STK32C: variants seen among roughly 807,000 people sequenced by gnomAD.
The protein encoded by STK32C is serine/threonine kinase 32C.
A neutral mutation model predicts 56.5 loss-of-function variants in STK32C; 31 were observed. The observed-to-expected ratio is 0.55, with a 90% confidence interval of 0.41 to 0.74. The LOEUF is 0.74. STK32C is among the 30% of genes least tolerant of loss of function. The pLI is 0.00. For missense variants in STK32C, 544 were observed against 676.9 expected (o/e 0.80, Z 2.18); for synonymous variants, 309 against 289.4 (o/e 1.07, Z -0.69).
chr10:132,295,088 G>T (rs114515973), intron 1 of STK32C, among the ~76,000 whole-genome samples: 1 of 152,140 alleles, frequency 6.6e-6, no homozygotes, highest in Non-Finnish European at 1.5e-5. Context: ...CACGCCCACC[G>T]GCAGTGCACA....
rs993512241 is a variant in STK32C, at chr10:132,299,314, C to G, written c.262+8258G>C. On this transcript the variant is annotated intron_variant, in intron 1 of 11. Coordinates refer to ENST00000298630, the MANE Select transcript of STK32C (RefSeq NM_173575.4). ...CCCAGCAGCATGGATAGCTGATCCACCAGCCAACAGCAAACTGAGACCCCA... is the reference window on the plus strand; with the variant it reads ...CCCAGCAGCATGGATAGCTGATCCAGCAGCCAACAGCAAACTGAGACCCCA... Among the ~76,000 whole-genome samples, 11 of 149,654 alleles carry G rather than the reference C, an allele frequency of 7.4e-5. No individual in the cohort carries two copies. In the East Asian group the frequency reaches 2.0e-3, roughly 27 times the overall value.
intron 1 of STK32C, among the ~76,000 whole-genome samples, chr10:132,313,192 C>T (rs1371224870): frequency 2.0e-5 from 3 of 152,162 alleles, no homozygotes; most frequent in East Asian, 1.9e-4. Flanking sequence ...ATAAGACAAA[C>T]GGAATGGCTC....
chr10:132,223,177 A>G (rs2062745542), intron 8 of STK32C, among the ~76,000 whole-genome samples, 191 bp from the exon 9 acceptor site: 1 of 152,238 alleles, frequency 6.6e-6, no homozygotes, highest in South Asian at 2.1e-4. Flanking sequence ...TGGCTGGCTC[A>G]GCATGTGGCC....
upstream of STK32C, among the ~76,000 whole-genome samples, chr10:132,308,673 G>C (rs998443117): frequency 6.6e-6 from 1 of 152,094 alleles, no homozygotes; most frequent in African/African-American, 2.4e-5. Flanking sequence ...GGGCACCCCC[G>C]TGCCATCCTC....
intron 1 of STK32C, among the ~76,000 whole-genome samples, chr10:132,274,505 T>C (rs1476620708): frequency 2.0e-5 from 3 of 152,228 alleles, no homozygotes; most frequent in Non-Finnish European, 4.4e-5. Context: ...GCAGGAAATG[T>C]GCAGTGACAA....
intron 1 of STK32C, among the ~76,000 whole-genome samples, chr10:132,316,939 G>A (rs1186580935): frequency 1.3e-5 from 2 of 149,100 alleles, no homozygotes; most frequent in African/African-American, 2.5e-5. Context: ...GGAGGCAGAG[G>A]TTGCAGTGAG....
In STK32C at chr10:132,222,998, C is replaced by G. The variant is rs535577703; in HGVS notation, c.994-12G>C. On this transcript the variant is annotated splice_polypyrimidine_tract_variant and intron_variant, in intron 8 of 11. Coordinates refer to ENST00000298630, the MANE Select transcript of STK32C (RefSeq NM_173575.4). ...TTCACAGTGAGGAGCTGCAACCAGG[C>G]ATGAGTCAGAGGGTCCAGGGCCCAC... 11 of 1,546,810 alleles carry G rather than the reference C, an allele frequency of 7.1e-6. No homozygotes were observed. In the East Asian group the frequency reaches 1.9e-4, roughly 27 times the overall value.
chr10:132,210,323 C>G (rs1484253171), intron 10 of STK32C, among the ~76,000 whole-genome samples: 1 of 152,234 alleles, frequency 6.6e-6, no homozygotes, highest in Non-Finnish European at 1.5e-5. Context: ...GTGGCGTGAT[C>G]TTGGCTCACT....
chr10:132,287,589 T>A (rs2065445095), intron 1 of STK32C, among the ~76,000 whole-genome samples: 1 of 151,690 alleles, frequency 6.6e-6, no homozygotes, highest in Admixed American at 6.6e-5. Context: ...GTAGCTGGGA[T>A]GACAGACGTG....
intron 11 of STK32C, among the ~76,000 whole-genome samples, chr10:132,208,762 C>T (rs776070637): frequency 9.9e-5 from 15 of 152,006 alleles, no homozygotes; most frequent in Non-Finnish European, 2.1e-4. Flanking sequence ...CTGATGGGGC[C>T]TCCTAGGAAG....
At chr10:132,292,118 T>A (rs1031791781) in intron 1 of STK32C, among the ~76,000 whole-genome samples, 1 of 152,038 alleles carries the variant, frequency 6.6e-6, no homozygotes. Flanking sequence ...GCCTCAACAC[T>A]TCAGCTACTC....
chr10:132,209,230 T>C (rs2137550676), intron 10 of STK32C, 129 bp from the exon 11 acceptor site: 2 of 844,688 alleles, frequency 2.4e-6, no homozygotes, highest in Non-Finnish European at 3.9e-6. Context: ...CTCTGGGCTA[T>C]TGAAGTGCCC....
chr10:132,295,327 CA>C (rs1312897978), intron 1 of STK32C, among the ~76,000 whole-genome samples: 1 of 152,146 alleles, frequency 6.6e-6, no homozygotes, highest in African/African-American at 2.4e-5. Flanking sequence ...TAAGGAAACA[CA>C]CGGGGTGAGC....
At chr10:132,275,070 G>A (rs1024323841) in intron 1 of STK32C, among the ~76,000 whole-genome samples, 2 of 152,134 alleles carry the variant, frequency 1.3e-5, no homozygotes, top group Non-Finnish European at 2.9e-5. Context: ...CCAGGGCCGA[G>A]GAACCAAGTT....
At chr10:132,284,295 G>T (rs1275893304) in intron 1 of STK32C, among the ~76,000 whole-genome samples, 1 of 117,698 alleles carries the variant, frequency 8.5e-6, no homozygotes, top group East Asian at 2.7e-4. Flanking sequence ...AGGTTGGGGG[G>T]GGCAGGTGAG....
At chr10:132,266,942 A>C (rs1311905497) in intron 1 of STK32C, among the ~76,000 whole-genome samples, 1 of 152,086 alleles carries the variant, frequency 6.6e-6, no homozygotes, top group Non-Finnish European at 1.5e-5. Flanking sequence ...GGCTGCGCGG[A>C]CGAGGCCGCA....
chr10:132,240,694 TTCTC>T (rs1405312057), intron 2 of STK32C, among the ~76,000 whole-genome samples: 4 of 151,950 alleles, frequency 2.6e-5, no homozygotes, highest in Admixed American at 6.6e-5. Flanking sequence ...GCGCCTGTGC[TTCTC>T]TCTCTCTCCC....
chr10:132,268,493 A>T lies in STK32C; in HGVS notation c.263-22538T>A, dbSNP rs111699159. 3.4e-3 allele frequency among the ~76,000 whole-genome samples: 393 copies of T among 114,582 alleles called. 2 individuals carry two copies. Among genetic ancestry groups the T allele is most frequent in the Non-Finnish European group, 5.4e-3 (313 of 57,716 alleles). 75.2% of individuals were successfully genotyped at this position (114,582 alleles called of 152,430 possible). A position where few individuals can be genotyped will look rare whatever the true frequency, so the allele number is the denominator to read the frequency against. On this transcript the variant is annotated intron_variant, in intron 1 of 11. Transcript: ENST00000298630. The stretch of plus-strand genomic sequence containing the variant: ...CGTGTGTGTGTGTCGGTGTGTGTGC[A>T]TGCCTGTGTATGCAGGTGCAGCTGT...
chr10:132,329,121 C>CG (rs1214348679), intron 1 of STK32C, among the ~76,000 whole-genome samples: 4 of 152,210 alleles, frequency 2.6e-5, no homozygotes, highest in Non-Finnish European at 4.4e-5. Flanking sequence ...GTGTCTACCC[C>CG]GGGCAGTGGC....
Sources: gnomAD v4.1 joint callset for allele counts (sites outside exome capture counted in the v4.1 genomes callset) on GRCh38, gnomAD v4.1.1 for gene constraint, MANE v1.5 for transcripts, NCBI Gene and HGNC (gene_info 2026-07-23, HGNC 2026-07-21) for gene names.